The following COG3 variants were observed in gnomAD, a reference collection of about 807,000 sequenced individuals.
COG3 encodes the protein component of oligomeric golgi complex 3.
COG3 carries 32 observed loss-of-function variants against 114.1 expected under a neutral mutation model. The observed-to-expected ratio is 0.28, with a 90% CI of 0.21 to 0.38. The LOEUF (loss-of-function observed/expected upper bound fraction) is 0.38, where lower values mean the gene tolerates loss of function less well. Ranked by LOEUF, COG3 falls within the 10% of genes least tolerant of loss-of-function variation. The pLI, the probability that COG3 is intolerant of heterozygous loss-of-function variation, is 1.00. For missense variants in COG3, 813 were observed against 973.2 expected, an observed-to-expected ratio of 0.84 and a Z score of 2.19; for synonymous variants, 352 against 365.7, an observed-to-expected ratio of 0.96 and a Z score of 0.43.
intron 12 of COG3, 89 bp downstream of exon 12, chr13:45,493,575 A>G: frequency 8.7e-7 from 1 of 1,147,508 alleles, no homozygotes; most frequent in South Asian, 1.8e-5. Context: ...CACCCCACTA[A>G]ATAGATAAAT....
In COG3 at chr13:45,534,925, C is replaced by T; in HGVS notation, c.*194C>T. Reference sequence around the variant, plus strand: ...ATCAGTGTTTTCTTTTCTAAAACATCAAAATGCCAAAGATTAATCTGTGAT... The same window carrying T: ...ATCAGTGTTTTCTTTTCTAAAACATTAAAATGCCAAAGATTAATCTGTGAT... On this transcript the variant is annotated 3_prime_UTR_variant, in exon 23 of 23. Transcript: ENST00000349995. The T allele has an allele frequency of 8.0e-7, 1 of 1,255,332 alleles. No homozygotes were observed. Among genetic ancestry groups the T allele is most frequent in the Non-Finnish European group, 1.0e-6 (1 of 1,002,036 alleles). The allele number at this position is 1,255,332 out of a possible 1,614,324, so 77.8% of individuals were successfully genotyped here. A position where few individuals can be genotyped will look rare whatever the true frequency, so the allele number is the denominator to read the frequency against.
intron 20 of COG3, among the ~76,000 whole-genome samples, chr13:45,528,263 C>T (rs549678802): frequency 5.1e-4 from 78 of 152,208 alleles, no homozygotes; most frequent in Non-Finnish European, 8.8e-5. Context: ...CACGTTACTC[C>T]TCTTACTTTT....
At chr13:45,510,417 C>T in intron 15 of COG3, among the ~76,000 whole-genome samples, 1 of 152,174 alleles carries the variant, frequency 6.6e-6, no homozygotes, top group East Asian at 1.9e-4. Context: ...CCTTTTTGCC[C>T]AGCTGATGAG....
At chr13:45,506,286 G>A (rs1024161303) in intron 14 of COG3, among the ~76,000 whole-genome samples, 5 of 152,034 alleles carry the variant, frequency 3.3e-5, no homozygotes, top group African/African-American at 9.7e-5. Context: ...CAGTGCTGAC[G>A]TTAAGGAGCA....
chr13:45,506,792 G>GA (rs1870200973), intron 14 of COG3, among the ~76,000 whole-genome samples: 1 of 152,184 alleles, frequency 6.6e-6, no homozygotes, highest in Non-Finnish European at 1.5e-5. Flanking sequence ...TCTAAAGCTG[G>GA]AAGTGAGAGA....
At chr13:45,493,738 A>G (rs1887157163) in intron 12 of COG3, 1 of 264,460 alleles carries the variant, frequency 3.8e-6, no homozygotes, top group Admixed American at 4.8e-5. Flanking sequence ...TCTTTCTGGC[A>G]TCTGGAATCC....
rs542957586 is a variant in COG3 at position 45,484,460 on chromosome 13, A to G, written c.843+1105A>G. Among the ~76,000 whole-genome samples, 107 of 152,330 alleles carry G rather than the reference A, an allele frequency of 7.0e-4. 1 individual carries two copies. The highest frequency in any genetic ancestry group is 2.5e-3 in the African/African-American group (105 of 41,570). On this transcript the variant is annotated intron_variant, in intron 7 of 22. Coordinates refer to ENST00000349995, the MANE Select transcript of COG3 (RefSeq NM_031431.4). Reference sequence around the variant, plus strand: ...AGATCTGTTTACCACCAAAATTTAAATAATGTAAGGTTAATTTTAACTATA... The same window carrying G: ...AGATCTGTTTACCACCAAAATTTAAGTAATGTAAGGTTAATTTTAACTATA...
At chr13:45,531,159 G>T in intron 22 of COG3, 1 of 673,492 alleles carries the variant, frequency 1.5e-6, no homozygotes, top group Non-Finnish European at 1.8e-6. Context: ...AGGTTACTGG[G>T]GTACAGGTGG....
chr13:45,511,981 A>G, intron 16 of COG3, 127 bp downstream of exon 16: 2 of 687,406 alleles, frequency 2.9e-6, no homozygotes, highest in Non-Finnish European at 5.1e-6. Flanking sequence ...TTGAATTTTG[A>G]GGCTCTTTGA....
intron 13 of COG3, 128 bp from the exon 14 acceptor site, chr13:45,503,116 G>GTT (rs1869721020): frequency 4.3e-6 from 2 of 463,594 alleles, no homozygotes; most frequent in Non-Finnish European, 7.7e-6. Flanking sequence ...AATGTATCCA[G>GTT]TCTTAAATCT....
intron 7 of COG3, among the ~76,000 whole-genome samples, 191 bp from the exon 8 acceptor site, chr13:45,486,304 C>CGGGAGAT (rs1886646424): frequency 1.7e-5 from 1 of 60,350 alleles, no homozygotes; most frequent in Non-Finnish European, 3.1e-5. Flanking sequence ...AGACGGGAGA[C>CGGGAGAT]GGGAGACGGG....
Position 45,530,722 on chromosome 13 carries a change from TAAAGG to T in COG3, c.2402_2406del (p.Lys801ArgfsTer5). On this transcript the variant is annotated frameshift_variant, in exon 22 of 23. Transcript: ENST00000349995. LOFTEE classifies it high-confidence loss of function. ...GTCTTCCAGAAGTTCCACGCTCTGTTAAAGGAAGAGTTCAGCCCTGAAGACATCCA... is the reference window on the plus strand; with the variant it reads ...GTCTTCCAGAAGTTCCACGCTCTGTTAAGAGTTCAGCCCTGAAGACATCCA... 6.2e-7 allele frequency: 1 copy of T among 1,613,192 alleles called. No individual in the cohort carries two copies. Among genetic ancestry groups the T allele is most frequent in the Non-Finnish European group, 8.5e-7 (1 of 1,179,206 alleles).
rs2137930531 is a variant in COG3, at chr13:45,529,925, A to G, written c.2358+7A>G. On this transcript the variant is annotated splice_region_variant and intron_variant, in intron 21 of 22. Coordinates refer to ENST00000349995, the MANE Select transcript of COG3 (RefSeq NM_031431.4). ...CTTGTTTAAACCTGTGAGGGTGAGT[A>G]TCAGATAACTCATTTGAATGTTGGC... The G allele has an allele frequency of 3.1e-6, 5 of 1,598,236 alleles. No homozygotes were observed. The highest frequency in any genetic ancestry group is 4.3e-6 in the Non-Finnish European group (5 of 1,174,980).
chr13:45,500,901 T>C (rs914796262), intron 13 of COG3, among the ~76,000 whole-genome samples: 1 of 152,260 alleles, frequency 6.6e-6, no homozygotes. Flanking sequence ...TTTATAGTGT[T>C]GTCATGAGTA....
At chr13:45,472,598 A>AT (rs1002755289) in intron 1 of COG3, among the ~76,000 whole-genome samples, 9 of 151,582 alleles carry the variant, frequency 5.9e-5, no homozygotes, top group South Asian at 2.1e-4. Context: ...AAGTTCACTG[A>AT]TTTTTTTTCC....
At chr13:45,531,505 T>TTTTTG (rs1461559335) in intron 22 of COG3, among the ~76,000 whole-genome samples, 1 of 17,078 alleles carries the variant, frequency 5.9e-5, no homozygotes, top group African/African-American at 1.0e-4. Context: ...AAATCTTGTG[T>TTTTTG]TTTTGTTTTG....
chr13:45,516,090 T>G, intron 16 of COG3, 53 bp from the exon 17 acceptor site: 1 of 1,373,004 alleles, frequency 7.3e-7, no homozygotes, highest in Admixed American at 2.0e-5. Flanking sequence ...CTGTATATGC[T>G]TTTATTTTGA....
Position 45,464,994 on chromosome 13 carries a change from C to A in COG3, c.-43C>A, listed in dbSNP as rs1488912664. ...GTGGCCCAGGTCTCTCTGTCGGGGTCCCCTCCATCTCGCTGCTGCTGAAGG... is the reference window on the plus strand; with the variant it reads ...GTGGCCCAGGTCTCTCTGTCGGGGTACCCTCCATCTCGCTGCTGCTGAAGG... On this transcript the variant is annotated 5_prime_UTR_variant, in exon 1 of 23. Transcript: ENST00000349995. 1.3e-6 allele frequency: 2 copies of A among 1,537,196 alleles called. No individual in the cohort carries two copies. Among genetic ancestry groups the A allele is most frequent in the Non-Finnish European group, 1.7e-6 (2 of 1,143,490 alleles).
chr13:45,474,379 G>A (rs1040439233), intron 1 of COG3, among the ~76,000 whole-genome samples: 1 of 151,866 alleles, frequency 6.6e-6, no homozygotes, highest in East Asian at 1.9e-4. Flanking sequence ...AGCCAGGATG[G>A]TCTCGATTTC....
Sources: gnomAD v4.1 joint callset for allele counts (sites outside exome capture counted in the v4.1 genomes callset) on GRCh38, gnomAD v4.1.1 for gene constraint, MANE v1.5 for transcripts, NCBI Gene and HGNC (gene_info 2026-07-23, HGNC 2026-07-21) for gene names.